The following MAP2K4 variants were observed in gnomAD, a reference collection of about 807,000 sequenced individuals.
The protein encoded by MAP2K4 is mitogen-activated protein kinase kinase 4.
In MAP2K4, 4 loss-of-function variants were observed where a neutral mutation model predicts 48.5. The observed-to-expected ratio is 0.08, with a 90% CI of 0.04 to 0.19. The LOEUF (loss-of-function observed/expected upper bound fraction) is 0.19, where lower values mean the gene tolerates loss of function less well. Among genes scored for constraint, MAP2K4 ranks in the 10% least tolerant of loss-of-function variants. The pLI, the probability that MAP2K4 is intolerant of heterozygous loss-of-function variation, is 1.00. For missense variants in MAP2K4, 258 were observed against 493.3 expected (o/e 0.52, Z 4.52); for synonymous variants, 166 against 173.1 (o/e 0.96, Z 0.32).
intron 7 of MAP2K4, among the ~76,000 whole-genome samples, chr17:12,119,568 A>G (rs1972610825): frequency 6.6e-6 from 1 of 152,250 alleles, no homozygotes; most frequent in Non-Finnish European, 1.5e-5. Flanking sequence ...CATTGTGGAA[A>G]GCAGTGTGGT....
intron 1 of MAP2K4, among the ~76,000 whole-genome samples, chr17:12,044,607 G>T (rs913415443): frequency 3.9e-5 from 6 of 152,154 alleles, no homozygotes; most frequent in African/African-American, 1.4e-4. Flanking sequence ...AAGACTTTGT[G>T]ACCAAATATG....
chr17:12,095,468 T>G (rs886374672), intron 3 of MAP2K4, 107 bp from the exon 4 acceptor site: 8 of 1,182,192 alleles, frequency 6.8e-6, no homozygotes, highest in Non-Finnish European at 1.0e-5. Flanking sequence ...TGAAGTTTGG[T>G]AATTTTTAGT....
intron 1 of MAP2K4, among the ~76,000 whole-genome samples, chr17:12,051,604 TC>T (rs1201883017): frequency 8.5e-5 from 13 of 152,214 alleles, no homozygotes; most frequent in Non-Finnish European, 1.9e-4. Flanking sequence ...ATGTTTTTGA[TC>T]AGTTATTTTA....
chr17:12,140,403 A>G (rs1358446220), intron 10 of MAP2K4, among the ~76,000 whole-genome samples: 1 of 152,224 alleles, frequency 6.6e-6, no homozygotes, highest in Non-Finnish European at 1.5e-5. Flanking sequence ...GAAAAGATCC[A>G]TTTGTTTGTC....
At chr17:12,139,634 C>G (rs1285168630) in intron 9 of MAP2K4, among the ~76,000 whole-genome samples, 1 of 152,128 alleles carries the variant, frequency 6.6e-6, no homozygotes, top group Non-Finnish European at 1.5e-5. Flanking sequence ...TCATCCTACA[C>G]TGACTATCCT....
At chr17:12,130,029 G>A (rs1216782336) in intron 9 of MAP2K4, among the ~76,000 whole-genome samples, 1 of 152,032 alleles carries the variant, frequency 6.6e-6, no homozygotes, top group Non-Finnish European at 1.5e-5. Context: ...TTAAATATAA[G>A]ACATGCTATG....
chr17:12,117,414 A>G (rs1005650212), intron 7 of MAP2K4, among the ~76,000 whole-genome samples: 1 of 152,078 alleles, frequency 6.6e-6, no homozygotes, highest in African/African-American at 2.4e-5. Context: ...CAAGGTAAAA[A>G]AAAAAAGACC....
chr17:12,104,563 T>TA, intron 4 of MAP2K4, among the ~76,000 whole-genome samples: 1 of 152,254 alleles, frequency 6.6e-6, no homozygotes, highest in African/African-American at 2.4e-5. Context: ...TAGGCTTTTT[T>TA]TAAAAAAAAA....
intron 2 of MAP2K4, among the ~76,000 whole-genome samples, chr17:12,064,954 C>T (rs1168897208): frequency 6.6e-6 from 1 of 152,040 alleles, no homozygotes; most frequent in Non-Finnish European, 1.5e-5. Flanking sequence ...AAGCGAGACA[C>T]AAAAGAGAAC....
intron 1 of MAP2K4, among the ~76,000 whole-genome samples, chr17:12,030,234 A>G (rs1158758272): frequency 6.6e-6 from 1 of 152,206 alleles, no homozygotes; most frequent in Non-Finnish European, 1.5e-5. Context: ...AATAATGTTA[A>G]GAAAGTTACA....
chr17:12,059,149 C>G (rs188316756), intron 2 of MAP2K4, among the ~76,000 whole-genome samples: 1 of 152,128 alleles, frequency 6.6e-6, no homozygotes, highest in Non-Finnish European at 1.5e-5. Flanking sequence ...AATAGAGACT[C>G]TTGTACCCAC....
chr17:12,064,022 G>C (rs1478178036), intron 2 of MAP2K4, among the ~76,000 whole-genome samples: 4 of 88,658 alleles, frequency 4.5e-5, no homozygotes, highest in Non-Finnish European at 1.1e-4. Flanking sequence ...GGAAGGGGGG[G>C]AGAGAGAGAG....
chr17:12,031,547 T>C (rs936725919), intron 1 of MAP2K4, among the ~76,000 whole-genome samples: 2 of 152,220 alleles, frequency 1.3e-5, no homozygotes, highest in African/African-American at 4.8e-5. Context: ...CTTTACTGGA[T>C]GCATCTTATC....
At chr17:12,101,797 T>C (rs1971947344) in intron 4 of MAP2K4, among the ~76,000 whole-genome samples, 2 of 152,138 alleles carry the variant, frequency 1.3e-5, no homozygotes, top group African/African-American at 4.8e-5. Context: ...AATACGTATT[T>C]TTAAATTTAA....
chr17:12,043,627 TA>T (rs1969866811), intron 1 of MAP2K4, among the ~76,000 whole-genome samples: 1 of 152,260 alleles, frequency 6.6e-6, no homozygotes, highest in South Asian at 2.1e-4. Context: ...GAAATAACTT[TA>T]TTTACTGTTA....
At chr17:12,106,305 T>C (rs1042008964) in intron 4 of MAP2K4, among the ~76,000 whole-genome samples, 1 of 152,104 alleles carries the variant, frequency 6.6e-6, no homozygotes, top group African/African-American at 2.4e-5. Flanking sequence ...GCCATTCTCA[T>C]AGATCACTCT....
intron 1 of MAP2K4, among the ~76,000 whole-genome samples, chr17:12,052,317 G>GT (rs1215940559): frequency 1.3e-5 from 2 of 152,172 alleles, no homozygotes; most frequent in Non-Finnish European, 2.9e-5. Flanking sequence ...TCTAATTTAT[G>GT]TAACTTAAAT....
chr17:12,118,362 C>CTA (rs1443726367), intron 7 of MAP2K4, among the ~76,000 whole-genome samples: 1 of 152,106 alleles, frequency 6.6e-6, no homozygotes, highest in East Asian at 1.9e-4. Flanking sequence ...AGGTATAAAT[C>CTA]TATAGGAGGC....
At chr17:12,074,550 C>T (rs1454649571) in intron 2 of MAP2K4, among the ~76,000 whole-genome samples, 1 of 152,192 alleles carries the variant, frequency 6.6e-6, no homozygotes, top group Non-Finnish European at 1.5e-5. Context: ...ATAGGAGCTG[C>T]CTTGTATGAG....
Sources: allele counts gnomAD v4.1 joint callset (sites outside exome capture counted in the v4.1 genomes callset), GRCh38; gene constraint gnomAD v4.1.1; transcripts MANE v1.5; gene names NCBI Gene and HGNC (gene_info 2026-07-23, HGNC 2026-07-21).